The following DYM variants were observed in gnomAD, a reference collection of about 807,000 sequenced individuals.
DYM encodes the protein dymeclin.
In DYM, 78 loss-of-function variants were observed where a neutral mutation model predicts 93.1. That is an observed-to-expected ratio of 0.84 (90% confidence interval 0.70 to 1.01). The LOEUF is 1.01. DYM is among the 50% of genes least tolerant of loss of function. The pLI, the probability that DYM is intolerant of heterozygous loss-of-function variation, is 0.00. For synonymous variants in DYM, 321 were observed against 319.7 expected, an observed-to-expected ratio of 1.00 and a Z score of -0.04; for missense variants, 789 against 845.0, an observed-to-expected ratio of 0.93 and a Z score of 0.82.
At chr18:49,282,747 A>G (rs1236695683) in intron 9 of DYM, among the ~76,000 whole-genome samples, 1 of 152,254 alleles carries the variant, frequency 6.6e-6, no homozygotes, top group African/African-American at 2.4e-5. Flanking sequence ...CAGAATTATG[A>G]GCTAGGCAAA....
At chr18:49,192,436 G>C (rs547405288) in intron 14 of DYM, among the ~76,000 whole-genome samples, 3 of 152,224 alleles carry the variant, frequency 2.0e-5, no homozygotes, top group Admixed American at 6.5e-5. Context: ...AATCCAATTT[G>C]ATTTGATTTT....
chr18:49,298,200 A>G (rs958534595), intron 8 of DYM, among the ~76,000 whole-genome samples: 3 of 152,044 alleles, frequency 2.0e-5, no homozygotes, highest in African/African-American at 7.2e-5. Context: ...CTCAAGAAAG[A>G]AAAAAAACAC....
At chr18:49,317,561 CT>C (rs1568235464) in intron 8 of DYM, among the ~76,000 whole-genome samples, 20 of 11,582 alleles carry the variant, frequency 1.7e-3, no homozygotes, top group African/African-American at 0.013. Flanking sequence ...TTCTCTCTCT[CT>C]CTCTCTCTCT....
chr18:49,361,326 T>C (rs905592686), intron 6 of DYM, among the ~76,000 whole-genome samples: 11 of 152,256 alleles, frequency 7.2e-5, no homozygotes, highest in African/African-American at 2.7e-4. Context: ...ATTAAAATTC[T>C]AGATGCTGCA....
chr18:49,053,586 G>A (rs528991918), intron 17 of DYM, among the ~76,000 whole-genome samples: 1 of 152,312 alleles, frequency 6.6e-6, no homozygotes, highest in Admixed American at 6.5e-5. Context: ...ATGGGTTAGT[G>A]ACTACAGACA....
intron 9 of DYM, among the ~76,000 whole-genome samples, chr18:49,283,604 A>G (rs879581327): frequency 1.2e-4 from 19 of 152,200 alleles, no homozygotes; most frequent in Non-Finnish European, 2.4e-4. Context: ...GATAAGTTCA[A>G]TGGACTCAGA....
chr18:49,375,193 GAC>G (rs34631271), intron 5 of DYM, among the ~76,000 whole-genome samples: 57,434 of 137,612 alleles, frequency 0.42, 12,021 homozygotes, highest in African/African-American at 0.53. Context: ...AAGGGGAAAA[GAC>G]ACACACACAC....
chr18:49,066,559 T>C (rs933907044), intron 17 of DYM, among the ~76,000 whole-genome samples: 1 of 152,194 alleles, frequency 6.6e-6, no homozygotes, highest in South Asian at 2.1e-4. Flanking sequence ...TTATGAACAA[T>C]TGTGCTATGA....
intron 1 of DYM, among the ~76,000 whole-genome samples, chr18:49,440,943 A>T (rs372783009): frequency 3.0e-3 from 2 of 666 alleles, no homozygotes; most frequent in Non-Finnish European, 8.0e-3. Context: ...ATAATATATA[A>T]TATATTATAT....
Position 49,209,671 on chromosome 18 carries a change from T to G in DYM, c.1505A>C (p.Lys502Thr). The G allele has an allele frequency of 7.8e-7, 1 of 1,289,272 alleles. No homozygotes were observed. 79.9% of individuals were successfully genotyped at this position (1,289,272 alleles called of 1,614,324 possible). Residue 502 changes from lysine (K) to threonine (T), a missense_variant, in exon 14 of 18, where the codon AAA becomes ACA. Physicochemically the swap from Lys to Thr is moderately conservative, Grantham distance 78. Transcript: ENST00000675505. ...ACAGTGAGAGTGGGGGAAATACAGT[T>G]TGTCCAACACATAAACATATCTCCG... is the stretch of plus-strand genomic sequence containing the variant. ...HLRRYVYVLD[K>T]LYFPHSHCST...
At chr18:49,143,789 C>G (rs1384545537) in intron 15 of DYM, among the ~76,000 whole-genome samples, 1 of 152,064 alleles carries the variant, frequency 6.6e-6, no homozygotes, top group African/African-American at 2.4e-5. Flanking sequence ...CAAAGACAGA[C>G]AGGATAGTAT....
intron 17 of DYM, among the ~76,000 whole-genome samples, chr18:49,058,418 C>A (rs2075687011): frequency 6.6e-6 from 1 of 151,402 alleles, no homozygotes; most frequent in Admixed American, 6.6e-5. Context: ...CTTCTGGGCT[C>A]AAGTGATCCT....
At chr18:49,172,902 GTTAAGTT>G (rs1409025131) in intron 14 of DYM, among the ~76,000 whole-genome samples, 3 of 152,048 alleles carry the variant, frequency 2.0e-5, no homozygotes, top group African/African-American at 4.8e-5. Context: ...TAGTTTTACA[GTTAAGTT>G]TTAAGTTTTA....
At chr18:49,440,965 A>AT (rs374941371) in intron 1 of DYM, among the ~76,000 whole-genome samples, 540 of 848 alleles carry the variant, frequency 0.64, 215 homozygotes, top group East Asian at 1. Context: ...AATATATTAT[A>AT]TTTATATAAT....
rs984381284 is a variant in DYM at position 49,248,631 on chromosome 18, TA to T, written c.1460+8378del. Among the ~76,000 whole-genome samples, 180 of 146,094 alleles carry T rather than the reference TA, an allele frequency of 1.2e-3. 1 individual carries two copies. Among genetic ancestry groups the T allele is most frequent in the African/African-American group, 3.4e-3 (135 of 40,040 alleles). ...ATGAGGTTGAAATAAAATCGAAGTT[TA>T]AAAAAAAAAACCAACTATAACACTT... On this transcript the variant is annotated intron_variant, in intron 13 of 17. Coordinates refer to ENST00000675505, the MANE Select transcript of DYM (RefSeq NM_001353214.3).
intron 8 of DYM, among the ~76,000 whole-genome samples, chr18:49,291,254 G>A (rs771431739): frequency 3.9e-5 from 6 of 152,092 alleles, no homozygotes; most frequent in Admixed American, 1.3e-4. Context: ...TGTTTCTGCC[G>A]AACTAACACA....
intron 17 of DYM, among the ~76,000 whole-genome samples, chr18:49,066,123 GT>G (rs1050608698): frequency 6.7e-6 from 1 of 148,274 alleles, no homozygotes; most frequent in Non-Finnish European, 1.5e-5. Context: ...AAGTAATCGC[GT>G]TTTTTGCCAT....
At chr18:49,046,267 TACACAG>T (rs752430114) in intron 17 of DYM, among the ~76,000 whole-genome samples, 15 of 81,446 alleles carry the variant, frequency 1.8e-4, no homozygotes, top group South Asian at 1.3e-3. Flanking sequence ...CCACAACATA[TACACAG>T]ACACAGACAA....
At chr18:49,415,242 C>T (rs1233321503) in intron 2 of DYM, among the ~76,000 whole-genome samples, 1 of 149,644 alleles carries the variant, frequency 6.7e-6, no homozygotes, top group Non-Finnish European at 1.5e-5. Context: ...ATTGCTTGAA[C>T]CCAGGAGGTG....
Sources: allele counts gnomAD v4.1 joint callset (sites outside exome capture counted in the v4.1 genomes callset), GRCh38; gene constraint gnomAD v4.1.1; transcripts MANE v1.5; gene names NCBI Gene and HGNC (gene_info 2026-07-23, HGNC 2026-07-21).